GRM5: variants seen among roughly 807,000 people sequenced by gnomAD.
GRM5 encodes glutamate metabotropic receptor 5.
Under a neutral mutation model 83.1 loss-of-function variants are expected in GRM5, and 19 were observed. The observed-to-expected ratio is 0.23, with a 90% CI of 0.16 to 0.34. The LOEUF is 0.34. GRM5 is among the 10% of genes least tolerant of loss of function. The probability of loss-of-function intolerance (pLI) is 1.00; values close to 1 mark genes in which losing one functional copy is unlikely to be tolerated. For missense variants in GRM5, 1,160 were observed against 1,588.3 expected (o/e 0.73, Z 4.58); for synonymous variants, 675 against 633.6 (o/e 1.07, Z -0.98).
intron 2 of GRM5, among the ~76,000 whole-genome samples, chr11:88,967,016 T>G (rs2134995840): frequency 6.6e-6 from 1 of 152,170 alleles, no homozygotes; most frequent in African/African-American, 2.4e-5. Flanking sequence ...ATGTGTGGAA[T>G]TCAATGTCAT....
chr11:88,821,657 C>T (rs1006475873), intron 3 of GRM5, among the ~76,000 whole-genome samples: 1 of 152,102 alleles, frequency 6.6e-6, no homozygotes, highest in Non-Finnish European at 1.5e-5. Context: ...GTGATCCTTT[C>T]GATACAAAAT....
chr11:89,050,520 G>T (rs1443624157), intron 1 of GRM5, among the ~76,000 whole-genome samples: 2 of 152,124 alleles, frequency 1.3e-5, no homozygotes, highest in African/African-American at 4.8e-5. Flanking sequence ...TCTGTCTTTA[G>T]GTCTTTGAGG....
intron 3 of GRM5, among the ~76,000 whole-genome samples, chr11:88,768,774 G>GGCTATTTTTAA (rs1942672047): frequency 6.6e-6 from 1 of 151,952 alleles, no homozygotes; most frequent in Non-Finnish European, 1.5e-5. Flanking sequence ...GTGAAGGGGT[G>GGCTATTTTTAA]ATGAGGAGTT....
intron 3 of GRM5, among the ~76,000 whole-genome samples, chr11:88,705,577 A>G (rs1243639716): frequency 6.7e-6 from 1 of 148,370 alleles, no homozygotes; most frequent in Non-Finnish European, 1.5e-5. Context: ...GGTGCTGCAT[A>G]AAATGTTTCC....
intron 8 of GRM5, among the ~76,000 whole-genome samples, chr11:88,557,216 A>T (rs1005968071): frequency 6.6e-6 from 1 of 152,270 alleles, no homozygotes; most frequent in African/African-American, 2.4e-5. Context: ...GATAGTTTCT[A>T]TTTTAAAATA....
chr11:89,011,765 A>G lies in GRM5; in HGVS notation c.661+35447T>C, dbSNP rs1343372798. Among the ~76,000 whole-genome samples, 6 of 152,200 alleles carry G rather than the reference A, an allele frequency of 3.9e-5. No homozygotes were observed. In the South Asian group the frequency reaches 1.0e-3, roughly 26 times the overall value. The stretch of plus-strand genomic sequence containing the variant: ...AGGGGCCAGACAGTCTGCTAAATAC[A>G]TTGCATACATTATTTTATGTAACCT... On this transcript the variant is annotated intron_variant, in intron 2 of 9. Transcript: ENST00000305447.
intron 2 of GRM5, among the ~76,000 whole-genome samples, chr11:89,022,240 T>C (rs1325699037): frequency 6.6e-6 from 1 of 152,170 alleles, no homozygotes; most frequent in Non-Finnish European, 1.5e-5. Context: ...ACACTAACCG[T>C]AACTTCAACT....
At chr11:88,668,147 TAAAAC>T (rs1940091823) in intron 3 of GRM5, among the ~76,000 whole-genome samples, 1 of 151,504 alleles carries the variant, frequency 6.6e-6, no homozygotes, top group African/African-American at 2.4e-5. Context: ...GAAACAAACA[TAAAAC>T]AGAATAATTT....
At chr11:88,888,965 TG>T (rs1248413507) in intron 2 of GRM5, among the ~76,000 whole-genome samples, 1 of 152,202 alleles carries the variant, frequency 6.6e-6, no homozygotes, top group African/African-American at 2.4e-5. Flanking sequence ...GCGAATAATT[TG>T]TTTTAGTCTC....
intron 3 of GRM5, among the ~76,000 whole-genome samples, chr11:88,685,436 C>T (rs1020087517): frequency 1.3e-5 from 2 of 152,124 alleles, no homozygotes; most frequent in African/African-American, 4.8e-5. Flanking sequence ...AATTTGCAGC[C>T]TGACAATGTG....
rs560352727 is a variant in GRM5 at position 88,821,168 on chromosome 11, G to T, written c.911+28738C>A. On this transcript the variant is annotated intron_variant, in intron 3 of 9. Coordinates refer to ENST00000305447, the MANE Select transcript of GRM5 (RefSeq NM_001143831.3). ...GAAGATAATTAACTATCTGTCCTGA[G>T]AATCTATTTGAAAGAGCTGTTCTAA... is the stretch of plus-strand genomic sequence containing the variant. Among the ~76,000 whole-genome samples, 15 of 152,078 alleles carry T rather than the reference G, an allele frequency of 9.9e-5. No homozygotes were observed. The East Asian group carries it at 2.5e-3, about 26-fold the overall frequency.
chr11:88,844,171 G>T (rs1051743327), intron 3 of GRM5, among the ~76,000 whole-genome samples: 1 of 152,110 alleles, frequency 6.6e-6, no homozygotes, highest in Non-Finnish European at 1.5e-5. Flanking sequence ...TCTATGAGGA[G>T]ATAATAAAAC....
chr11:88,874,498 AG>A (rs768338010), intron 2 of GRM5, among the ~76,000 whole-genome samples: 5 of 151,922 alleles, frequency 3.3e-5, no homozygotes, highest in Non-Finnish European at 7.4e-5. Context: ...AAGAAAACAC[AG>A]GAAAAAAATG....
At chr11:88,654,034 A>G (rs968128984) in intron 3 of GRM5, among the ~76,000 whole-genome samples, 1 of 152,110 alleles carries the variant, frequency 6.6e-6, no homozygotes, top group Admixed American at 6.6e-5. Context: ...TCTCTAAAAT[A>G]CATTAAAAAT....
At chr11:88,711,286 C>T (rs1456174652) in intron 3 of GRM5, among the ~76,000 whole-genome samples, 1 of 152,062 alleles carries the variant, frequency 6.6e-6, no homozygotes, top group Non-Finnish European at 1.5e-5. Flanking sequence ...TCTGTCTATC[C>T]TCTTGCTGGT....
intron 3 of GRM5, among the ~76,000 whole-genome samples, chr11:88,775,146 A>G (rs1303826245): frequency 2.0e-5 from 3 of 152,090 alleles, no homozygotes; most frequent in African/African-American, 4.8e-5. Flanking sequence ...CAGAGATTCA[A>G]CTTCTTCCTG....
chr11:88,924,989 A>T (rs1297244221), intron 2 of GRM5, among the ~76,000 whole-genome samples: 1 of 152,092 alleles, frequency 6.6e-6, no homozygotes, highest in Non-Finnish European at 1.5e-5. Flanking sequence ...GAAGCTGTAA[A>T]TATCTCACAG....
At chr11:88,897,463 C>T (rs1238763298) in intron 2 of GRM5, among the ~76,000 whole-genome samples, 1 of 151,904 alleles carries the variant, frequency 6.6e-6, no homozygotes, top group Non-Finnish European at 1.5e-5. Context: ...GGCAACTACT[C>T]TTAATCAGGT....
chr11:89,012,116 G>T (rs1940718547), intron 2 of GRM5, among the ~76,000 whole-genome samples: 1 of 152,158 alleles, frequency 6.6e-6, no homozygotes, highest in Non-Finnish European at 1.5e-5. Context: ...TGGAGGGAGT[G>T]AGTGAAGAAT....
Sources: gnomAD v4.1 joint callset for allele counts (sites outside exome capture counted in the v4.1 genomes callset) on GRCh38, gnomAD v4.1.1 for gene constraint, MANE v1.5 for transcripts, NCBI Gene and HGNC (gene_info 2026-07-23, HGNC 2026-07-21) for gene names.